The following POT1 variants were observed in gnomAD, a reference collection of about 807,000 sequenced individuals.
POT1 encodes the protein protection of telomeres protein 1.
A neutral mutation model predicts 78.5 loss-of-function variants in POT1; 47 were observed. The observed-to-expected ratio is 0.60, with a 90% CI of 0.47 to 0.76. POT1 has a LOEUF of 0.76. Among genes scored for constraint, POT1 ranks in the 30% least tolerant of loss-of-function variants. The pLI is 0.00. For synonymous variants in POT1, 259 were observed against 260.7 expected (o/e 0.99, Z 0.06); for missense variants, 646 against 749.9 (o/e 0.86, Z 1.62).
chr7:124,860,197 T>G (rs1440484721), intron 8 of POT1, among the ~76,000 whole-genome samples: 1 of 152,122 alleles, frequency 6.6e-6, no homozygotes, highest in Non-Finnish European at 1.5e-5. Flanking sequence ...TGTTGCTTTA[T>G]AGGCCTCCCA....
intron 2 of POT1, among the ~76,000 whole-genome samples, chr7:124,922,947 A>C (rs1320908342): frequency 1.3e-5 from 2 of 151,948 alleles, no homozygotes; most frequent in Non-Finnish European, 2.9e-5. Flanking sequence ...GGGCCACACT[A>C]CCACAGGCAC....
intron 14 of POT1, among the ~76,000 whole-genome samples, chr7:124,836,501 T>C (rs1794904098): frequency 6.6e-6 from 1 of 152,216 alleles, no homozygotes; most frequent in Non-Finnish European, 1.5e-5. Flanking sequence ...GACTGATACC[T>C]AGCCCTGCTG....
chr7:124,839,645 T>A (rs1419723503), intron 14 of POT1, among the ~76,000 whole-genome samples: 1 of 152,190 alleles, frequency 6.6e-6, no homozygotes, highest in Non-Finnish European at 1.5e-5. Flanking sequence ...TATATTCCTT[T>A]TACATTTCAA....
chr7:124,880,547 T>C (rs1796093843), intron 6 of POT1, among the ~76,000 whole-genome samples: 1 of 151,996 alleles, frequency 6.6e-6, no homozygotes, highest in Non-Finnish European at 1.5e-5. Context: ...TACAGAAAAC[T>C]ATTGAGATTT....
At chr7:124,847,234 C>T (rs1302258176) in intron 11 of POT1, among the ~76,000 whole-genome samples, 1 of 152,198 alleles carries the variant, frequency 6.6e-6, no homozygotes, top group African/African-American at 2.4e-5. Context: ...GTGGCTCACG[C>T]CTATAATCCC....
chr7:124,928,622 T>C (rs1452045520), intron 2 of POT1, among the ~76,000 whole-genome samples, 193 bp downstream of exon 2: 2 of 152,230 alleles, frequency 1.3e-5, no homozygotes, highest in African/African-American at 4.8e-5. Flanking sequence ...CTTACTCCAA[T>C]GTTTCACACA....
At chr7:124,859,263 A>G (rs1326179390) in intron 8 of POT1, 151 bp from the exon 9 acceptor site, 1 of 515,364 alleles carries the variant, frequency 1.9e-6, no homozygotes, top group African/African-American at 1.9e-5. Context: ...TCTGATTGTT[A>G]AAGAACTACA....
At chr7:124,850,314 T>A (rs1795272082) in intron 11 of POT1, among the ~76,000 whole-genome samples, 1 of 152,254 alleles carries the variant, frequency 6.6e-6, no homozygotes, top group South Asian at 2.1e-4. Flanking sequence ...TCTTGCTTTG[T>A]CATCAGTTAA....
chr7:124,895,320 C>T lies in POT1; in HGVS notation c.9+1845G>A, dbSNP rs116421146. 6.1e-3 allele frequency among the ~76,000 whole-genome samples: 920 copies of T among 151,668 alleles called. 10 individuals are homozygous for T. Among genetic ancestry groups the T allele is most frequent in the African/African-American group, 0.021 (863 of 41,480 alleles). ...ATTATCATTAAGTACATCACTTGAT[C>T]CACATTTCACACAGACATGAACAAT... On this transcript the variant is annotated intron_variant, in intron 5 of 18. Transcript: ENST00000357628.
At chr7:124,895,344 AT>A (rs890328175) in intron 5 of POT1, among the ~76,000 whole-genome samples, 21 of 147,956 alleles carry the variant, frequency 1.4e-4, no homozygotes, top group South Asian at 2.1e-4. Flanking sequence ...GACATGAACA[AT>A]TTTTTTTTTT....
At chr7:124,869,165 T>A (rs1296988973) in intron 7 of POT1, among the ~76,000 whole-genome samples, 2 of 152,198 alleles carry the variant, frequency 1.3e-5, no homozygotes, top group African/African-American at 4.8e-5. Flanking sequence ...TGTTTGTGTA[T>A]ACAAATTGTT....
chr7:124,927,940 T>A (rs1487892351), intron 2 of POT1, among the ~76,000 whole-genome samples: 2 of 152,176 alleles, frequency 1.3e-5, no homozygotes, highest in African/African-American at 4.8e-5. Context: ...ATCATCTATA[T>A]TCAAATTCCT....
intron 15 of POT1, among the ~76,000 whole-genome samples, chr7:124,831,341 G>A (rs1291035129): frequency 6.6e-6 from 1 of 152,032 alleles, no homozygotes; most frequent in African/African-American, 2.4e-5. Context: ...AACACCTTAG[G>A]AGTAACTTTC....
At chr7:124,905,068 C>A (rs1167667044) in intron 3 of POT1, among the ~76,000 whole-genome samples, 1 of 152,170 alleles carries the variant, frequency 6.6e-6, no homozygotes, top group African/African-American at 2.4e-5. Flanking sequence ...GGCCATACTG[C>A]CCAAGGTAAT....
chr7:124,858,799 AT>A, intron 9 of POT1, 157 bp downstream of exon 9: 1 of 456,670 alleles, frequency 2.2e-6, no homozygotes, highest in Non-Finnish European at 3.7e-6. Flanking sequence ...TTAATAATTT[AT>A]TGTAACATAC....
chr7:124,826,507 T>C (rs1794633229), intron 17 of POT1, among the ~76,000 whole-genome samples: 2 of 152,188 alleles, frequency 1.3e-5, no homozygotes, highest in African/African-American at 4.8e-5. Flanking sequence ...GCCTCAAAAC[T>C]TTATACAATA....
chr7:124,872,173 T>C (rs1211949418), intron 6 of POT1, among the ~76,000 whole-genome samples: 2 of 152,204 alleles, frequency 1.3e-5, no homozygotes, highest in Non-Finnish European at 2.9e-5. Context: ...TTCCTTTGTA[T>C]GTCTAAATAG....
chr7:124,878,427 G>A (rs1464089791), intron 6 of POT1, among the ~76,000 whole-genome samples: 1 of 152,088 alleles, frequency 6.6e-6, no homozygotes, highest in Non-Finnish European at 1.5e-5. Context: ...ACAGTGTGGT[G>A]ACCATACTTA....
At chr7:124,849,191 C>A (rs1224670940) in intron 11 of POT1, among the ~76,000 whole-genome samples, 1 of 152,032 alleles carries the variant, frequency 6.6e-6, no homozygotes, top group Non-Finnish European at 1.5e-5. Flanking sequence ...TTCAATAAAT[C>A]TAATTTAGTA....
Sources: gnomAD v4.1 joint callset for allele counts (sites outside exome capture counted in the v4.1 genomes callset) on GRCh38, gnomAD v4.1.1 for gene constraint, MANE v1.5 for transcripts, NCBI Gene and HGNC (gene_info 2026-07-23, HGNC 2026-07-21) for gene names.